The following RYR2 variants were observed in gnomAD, a reference collection of about 807,000 sequenced individuals.
RYR2 encodes ryanodine receptor 2, also known as cardiac muscle ryanodine receptor-calcium release channel.
In RYR2, 227 loss-of-function variants were observed where a neutral mutation model predicts 601.1. The observed-to-expected ratio is 0.38, with a 90% CI of 0.34 to 0.42. RYR2 has a LOEUF of 0.42. Ranked by LOEUF, RYR2 falls within the 10% of genes least tolerant of loss-of-function variation. The probability of loss-of-function intolerance (pLI) is 1.00; values close to 1 mark genes in which losing one functional copy is unlikely to be tolerated. For synonymous variants in RYR2, 2,223 were observed against 2,175.1 expected (o/e 1.02, Z -0.61); for missense variants, 4,646 against 6,156.5 (o/e 0.75, Z 8.21).
chr1:237,687,374 T>TTTTTTTTTTTTTTTTTC, intron 62 of RYR2, 81 bp from the exon 63 acceptor site: 1 of 650,730 alleles, frequency 1.5e-6, no homozygotes, highest in South Asian at 2.1e-5. Flanking sequence ...TTCTTTTTTT[T>TTTTTTTTTTTTTTTTTC]TTTTTTTTTT....
At chr1:237,701,957 T>G in intron 65 of RYR2, 21 bp from the exon 66 acceptor site, 110 of 1,451,996 alleles carry the variant, frequency 7.6e-5, no homozygotes, top group Non-Finnish European at 9.7e-5. Flanking sequence ...TTCTTTCAAG[T>G]GAGATTCTCT....
At chr1:237,407,312 C>G (rs1249319495) in intron 10 of RYR2, among the ~76,000 whole-genome samples, 2 of 152,124 alleles carry the variant, frequency 1.3e-5, no homozygotes, top group East Asian at 3.9e-4. Context: ...GGGTAAATAT[C>G]AAGAAGCACA....
intron 65 of RYR2, among the ~76,000 whole-genome samples, chr1:237,701,183 A>C (rs1395302355): frequency 6.6e-6 from 1 of 152,230 alleles, no homozygotes; most frequent in Non-Finnish European, 1.5e-5. Flanking sequence ...TGAGTTACTC[A>C]GTGGGTGCCA....
chr1:237,087,062 C>T (rs1666419207), intron 1 of RYR2, among the ~76,000 whole-genome samples: 1 of 152,166 alleles, frequency 6.6e-6, no homozygotes, highest in Non-Finnish European at 1.5e-5. Flanking sequence ...AAGCAATTCT[C>T]AGCACGCGCA....
At position 237,496,694 on chromosome 1, in the gene RYR2, A is replaced by T. The variant is rs764163453; in HGVS notation, c.2145A>T (p.Gly715=). 1 of 1,613,870 alleles carries T rather than the reference A, an allele frequency of 6.2e-7. No homozygotes were observed. Among genetic ancestry groups the T allele is most frequent in the East Asian group, 2.2e-5 (1 of 44,868 alleles). The change falls in exon 20 of 105, where the codon GGA becomes GGT. Residue 715 remains glycine (G), a synonymous_variant. Transcript: ENST00000366574. ...PYPGGGEEWG[G]NGVGDDLFSY... is the part of the protein sequence containing the mutation. The stretch of plus-strand genomic sequence containing the variant: ...CTGGAGGGGGCGAAGAGTGGGGTGG[A>T]AATGGTGTTGGAGATGATCTCTTCT...
In RYR2 at chr1:237,718,527, C is replaced by A. The variant is rs776756933; in HGVS notation, c.10554+6C>A. On this transcript the variant is annotated splice_donor_region_variant and intron_variant, in intron 73 of 104. Transcript: ENST00000366574. Reference sequence around the variant, plus strand: ...ATATTCATTTACAAGGCAAGGTAAGCCAAATTTTATTCTTAAGCCACATTT... The same window carrying A: ...ATATTCATTTACAAGGCAAGGTAAGACAAATTTTATTCTTAAGCCACATTT... The A allele has an allele frequency of 5.8e-6, 9 of 1,557,046 alleles. No individual in the cohort carries two copies. The highest frequency in any genetic ancestry group is 8.0e-6 in the Non-Finnish European group (9 of 1,129,750).
intron 29 of RYR2, among the ~76,000 whole-genome samples, chr1:237,580,242 A>G (rs1673757215): frequency 6.9e-6 from 1 of 144,184 alleles, no homozygotes; most frequent in South Asian, 2.2e-4. Context: ...TGGAACCTCC[A>G]CCTCCCAGGT....
chr1:237,121,556 C>A (rs1670780671), intron 1 of RYR2, among the ~76,000 whole-genome samples: 1 of 152,148 alleles, frequency 6.6e-6, no homozygotes, highest in African/African-American at 2.4e-5. Flanking sequence ...AGGATTTTCC[C>A]CAAATTATTA....
At chr1:237,706,077 C>T (rs1330609182) in intron 67 of RYR2, among the ~76,000 whole-genome samples, 5 of 152,022 alleles carry the variant, frequency 3.3e-5, no homozygotes, top group East Asian at 3.9e-4. Flanking sequence ...AGTGAAACCC[C>T]GTCTGTGCTA....
At chr1:237,456,215 A>G (rs999262503) in intron 15 of RYR2, among the ~76,000 whole-genome samples, 2 of 152,196 alleles carry the variant, frequency 1.3e-5, no homozygotes, top group African/African-American at 4.8e-5. Flanking sequence ...GATTTGCTTT[A>G]AAAATATCTT....
intron 16 of RYR2, among the ~76,000 whole-genome samples, chr1:237,463,463 C>T (rs1442470166): frequency 4.0e-5 from 6 of 151,842 alleles, no homozygotes; most frequent in South Asian, 2.1e-4. Context: ...ATGAAGCCTC[C>T]GGGGATAGGA....
At position 237,727,004 on chromosome 1, in the gene RYR2, G is replaced by A. The variant is rs891020168; in HGVS notation, c.10726-83G>A. 6.5e-6 allele frequency: 5 copies of A among 763,498 alleles called. No individual in the cohort carries two copies. The African/African-American group carries it at 6.9e-5, about 11-fold the overall frequency. The allele number at this position is 763,498 out of a possible 1,614,324, so 47.3% of individuals were successfully genotyped here. A position where few individuals can be genotyped will look rare whatever the true frequency, so the allele number is the denominator to read the frequency against. On this transcript the variant is annotated intron_variant, in intron 75 of 104. Coordinates refer to ENST00000366574, the MANE Select transcript of RYR2 (RefSeq NM_001035.3). ...GGCAACTGTTTAATACTATATTTTT[G>A]AAGATAGTTTGGGGTGTAAATATTT...
chr1:237,795,861 TATATATATATATACAC>T (rs1404549053), intron 96 of RYR2, among the ~76,000 whole-genome samples: 1 of 141,876 alleles, frequency 7.0e-6, no homozygotes, highest in Non-Finnish European at 1.5e-5. Flanking sequence ...TATATGTATA[TATATATATATATACAC>T]ATATATATAT....
intron 2 of RYR2, among the ~76,000 whole-genome samples, chr1:237,278,790 T>C (rs1234189861): frequency 3.3e-5 from 5 of 152,214 alleles, no homozygotes; most frequent in Non-Finnish European, 5.9e-5. Flanking sequence ...AAAATCCTAC[T>C]CCTGGATATA....
At chr1:237,681,632 C>G (rs1289683794) in intron 62 of RYR2, among the ~76,000 whole-genome samples, 1 of 152,186 alleles carries the variant, frequency 6.6e-6, no homozygotes, top group Non-Finnish European at 1.5e-5. Context: ...ATCCCAGCGG[C>G]GTGCTTTGTT....
Position 237,541,698 on chromosome 1 carries a change from T to C in RYR2, c.2907-6733T>C, listed in dbSNP as rs572677547. On this transcript the variant is annotated intron_variant, in intron 25 of 104. Coordinates refer to ENST00000366574, the MANE Select transcript of RYR2 (RefSeq NM_001035.3). ...AGTCAGCGAAGGGAGATAAGGGTGGTGCCATTTTATAGGATTTGGGTAGAT... is the reference window on the plus strand; with the variant it reads ...AGTCAGCGAAGGGAGATAAGGGTGGCGCCATTTTATAGGATTTGGGTAGAT... Among the ~76,000 whole-genome samples, 5 of 151,978 alleles carry C rather than the reference T, an allele frequency of 3.3e-5. No homozygotes were observed. The South Asian group carries it at 1.0e-3, about 32-fold the overall frequency.
chr1:237,594,522 T>C (rs568684415), intron 33 of RYR2, among the ~76,000 whole-genome samples: 1 of 152,138 alleles, frequency 6.6e-6, no homozygotes, highest in South Asian at 2.1e-4. Flanking sequence ...TTGGGGGCCA[T>C]GCTTAATTTT....
At chr1:237,134,559 C>A (rs1314858552) in intron 1 of RYR2, among the ~76,000 whole-genome samples, 2 of 152,164 alleles carry the variant, frequency 1.3e-5, no homozygotes, top group African/African-American at 4.8e-5. Context: ...GATTCAGTTA[C>A]CTCCCACTGG....
intron 17 of RYR2, among the ~76,000 whole-genome samples, chr1:237,489,916 A>C (rs1026109069): frequency 7.9e-5 from 12 of 152,240 alleles, no homozygotes; most frequent in African/African-American, 2.9e-4. Context: ...CTGCATAAAG[A>C]AAATGTGGTA....
Sources: allele counts gnomAD v4.1 joint callset (sites outside exome capture counted in the v4.1 genomes callset), GRCh38; gene constraint gnomAD v4.1.1; transcripts MANE v1.5; gene names NCBI Gene and HGNC (gene_info 2026-07-23, HGNC 2026-07-21).